Variants in NOTCH2NLB observed in about 807,000 individuals in gnomAD.
The protein encoded by NOTCH2NLB is notch homolog 2 N-terminal-like protein B.
A neutral mutation model predicts 14.8 loss-of-function variants in NOTCH2NLB; 1 was observed. The observed-to-expected ratio is 0.07, with a 90% CI of 0.02 to 0.32. NOTCH2NLB has a LOEUF of 0.32. Among genes scored for constraint, NOTCH2NLB ranks in the 10% least tolerant of loss-of-function variants. The pLI is 1.00. For synonymous variants in NOTCH2NLB, 6 were observed against 57.5 expected (o/e 0.10, Z 4.05); for missense variants, 11 against 155.0 (o/e 0.07, Z 4.93).
rs1333021881 is a variant in NOTCH2NLB, at chr1:148,674,660, G to A, written c.3+4802C>T. Among the ~76,000 whole-genome samples, 7 of 89,580 alleles carry A rather than the reference G, an allele frequency of 7.8e-5. 1 individual carries two copies. In the South Asian group the frequency reaches 3.3e-3, roughly 43 times the overall value. The allele number at this position is 89,580 out of a possible 152,430, so 58.8% of individuals were successfully genotyped here. A position where few individuals can be genotyped will look rare whatever the true frequency, so the allele number is the denominator to read the frequency against. ...ACAGATGCTGTGACTAAGACCTGCC[G>A]CTCAGTTGACTCTGAATTTGGGGCA... On this transcript the variant is annotated intron_variant, in intron 1 of 4. Coordinates refer to ENST00000593495, the Ensembl canonical transcript of NOTCH2NLB.
At chr1:148,651,162 A>AAAAAAAAT (rs1553341433) in intron 1 of NOTCH2NLB, among the ~76,000 whole-genome samples, 1 of 46,040 alleles carries the variant, frequency 2.2e-5, no homozygotes, top group Non-Finnish European at 4.2e-5. Flanking sequence ...AAAAAAAAAA[A>AAAAAAAAT]ATATATATAT....
chr1:148,634,353 CCTGT>C (rs1571102587), intron 2 of NOTCH2NLB, among the ~76,000 whole-genome samples: 1 of 148,818 alleles, frequency 6.7e-6, no homozygotes, highest in Non-Finnish European at 1.5e-5. Context: ...GATATTTTTC[CCTGT>C]CTATTTCTTT....
intron 1 of NOTCH2NLB, among the ~76,000 whole-genome samples, chr1:148,661,466 C>A (rs1201951173): frequency 6.7e-6 from 1 of 148,220 alleles, no homozygotes; most frequent in Non-Finnish European, 1.5e-5. Flanking sequence ...TCCTTTAATG[C>A]AGTGAATGTA....
Position 148,636,926 on chromosome 1 carries a change from T to A in NOTCH2NLB, c.77+3090A>T, listed in dbSNP as rs1326026239. On this transcript the variant is annotated intron_variant, in intron 2 of 4. Coordinates refer to ENST00000593495, the Ensembl canonical transcript of NOTCH2NLB. Reference sequence around the variant, plus strand: ...CTCCCAAAAGGATGGCCTCACCAAATTTTTTCTTTCTCTCAAGGAGTTTGT... The same window carrying A: ...CTCCCAAAAGGATGGCCTCACCAAAATTTTTCTTTCTCTCAAGGAGTTTGT... Among the ~76,000 whole-genome samples, 2 of 146,066 alleles carry A rather than the reference T, an allele frequency of 1.4e-5. 1 individual carries two copies. The highest frequency in any genetic ancestry group is 1.3e-4 in the Admixed American group (2 of 14,846).
At chr1:148,604,733 C>CTG (rs1226957622), downstream of NOTCH2NLB, among the ~76,000 whole-genome samples, 1 of 142,260 alleles carries the variant, frequency 7.0e-6, no homozygotes, top group Non-Finnish European at 1.5e-5. Flanking sequence ...ATTTTCTGAA[C>CTG]TCCACCTGGG....
Position 148,638,186 on chromosome 1 carries a change from G to C in NOTCH2NLB, c.77+1830C>G, listed in dbSNP as rs1486809945. ...TCGCCACACTGAAATTTTTAAAGGA[G>C]AGAACCAGTGTCTTCTTATTTAACA... On this transcript the variant is annotated intron_variant, in intron 2 of 4. Coordinates refer to ENST00000593495, the Ensembl canonical transcript of NOTCH2NLB. 3.4e-5 allele frequency among the ~76,000 whole-genome samples: 5 copies of C among 148,444 alleles called. 1 individual carries two copies. The highest frequency in any genetic ancestry group is 1.3e-4 in the African/African-American group (5 of 39,612).
intron 2 of NOTCH2NLB, among the ~76,000 whole-genome samples, chr1:148,616,554 G>A (rs1270851134): frequency 2.9e-4 from 43 of 149,574 alleles, no homozygotes; most frequent in Admixed American, 5.3e-4. Context: ...ACATTACAAC[G>A]GAAAAAGGGA....
chr1:148,691,837 G>A, the NOTCH2NLB span, among the ~76,000 whole-genome samples: 1 of 95,764 alleles, frequency 1.0e-5, no homozygotes, highest in East Asian at 4.3e-4. Context: ...TGTTTACAAG[G>A]AGCCTGACAC....
intron 1 of NOTCH2NLB, among the ~76,000 whole-genome samples, chr1:148,661,339 T>C (rs1344530853): frequency 2.0e-5 from 3 of 150,092 alleles, no homozygotes; most frequent in African/African-American, 7.3e-5. Flanking sequence ...CTATTCCTCC[T>C]CCCAACACAC....
At chr1:148,633,371 G>A (rs1280224151) in intron 2 of NOTCH2NLB, among the ~76,000 whole-genome samples, 1 of 103,640 alleles carries the variant, frequency 9.6e-6, no homozygotes, top group East Asian at 3.8e-4. Flanking sequence ...GGCTAACACA[G>A]TGAAACCCCG....
At chr1:148,682,679 C>A, upstream of NOTCH2NLB, among the ~76,000 whole-genome samples, 1 of 17,282 alleles carries the variant, frequency 5.8e-5, no homozygotes, top group Admixed American at 5.2e-4. Context: ...GAATGTGTTA[C>A]AATATGAAAA....
chr1:148,661,334 C>T (rs1299476992), intron 1 of NOTCH2NLB, among the ~76,000 whole-genome samples: 1 of 150,058 alleles, frequency 6.7e-6, no homozygotes, highest in Admixed American at 6.7e-5. Context: ...AAGGTCTATT[C>T]CTCCTCCCAA....
downstream of NOTCH2NLB, among the ~76,000 whole-genome samples, chr1:148,605,091 C>T (rs1663470377): frequency 1.5e-5 from 2 of 135,166 alleles, no homozygotes. Context: ...AAGCATTTAA[C>T]GAAAAGTTTT....
chr1:148,651,156 AAAAAAAAT>A (rs1487050685), intron 1 of NOTCH2NLB, among the ~76,000 whole-genome samples: 361 of 79,972 alleles, frequency 4.5e-3, no homozygotes, highest in Non-Finnish European at 7.1e-3. Context: ...AAAAAAAAAA[AAAAAAAAT>A]ATATATATAT....
At position 148,679,775 on chromosome 1, in the gene NOTCH2NLB, G is replaced by C. The variant is rs1319681558; in HGVS notation, c.-311C>G. On this transcript the variant is annotated 5_prime_UTR_variant, in exon 1 of 5. Coordinates refer to ENST00000593495, the Ensembl canonical transcript of NOTCH2NLB. ...ACTTTCTCGGGTGTGCAGCGAAGCA[G>C]CCTCGTGTGTCCTTCCGCCTCAGCC... The C allele has an allele frequency of 2.9e-5, 18 of 621,334 alleles. 1 individual carries two copies. The highest frequency in any genetic ancestry group is 3.7e-5 in the Non-Finnish European group (17 of 460,870). The allele number at this position is 621,334 out of a possible 1,614,324, so 38.5% of individuals were successfully genotyped here.
intron 1 of NOTCH2NLB, among the ~76,000 whole-genome samples, chr1:148,651,074 C>G (rs1477406689): frequency 2.5e-5 from 3 of 119,140 alleles, no homozygotes; most frequent in African/African-American, 9.2e-5. Context: ...ACCCGGGAGG[C>G]GGAGCTTGCA....
chr1:148,670,539 A>AATATATATATACATATATATAT (rs1664749373), intron 1 of NOTCH2NLB, among the ~76,000 whole-genome samples: 1 of 93,460 alleles, frequency 1.1e-5, no homozygotes, highest in African/African-American at 4.3e-5. Context: ...TAAAAAAAAA[A>AATATATATATACATATATATAT]ATATATATAT....
At chr1:148,627,722 C>T (rs1265457202) in intron 2 of NOTCH2NLB, among the ~76,000 whole-genome samples, 1 of 151,448 alleles carries the variant, frequency 6.6e-6, no homozygotes, top group Non-Finnish European at 1.5e-5. Flanking sequence ...CTTGACACCC[C>T]CTCTGTTCTT....
At chr1:148,654,462 C>A (rs1440453498) in intron 1 of NOTCH2NLB, among the ~76,000 whole-genome samples, 2 of 20,982 alleles carry the variant, frequency 9.5e-5, no homozygotes, top group African/African-American at 1.5e-4. Context: ...CAGACACATA[C>A]CCTTCATGAT....
Sources: gnomAD v4.1 joint callset for allele counts (sites outside exome capture counted in the v4.1 genomes callset) on GRCh38, gnomAD v4.1.1 for gene constraint, MANE v1.5 for transcripts, NCBI Gene and HGNC (gene_info 2026-07-23, HGNC 2026-07-21) for gene names.